FGF11: variants seen among roughly 807,000 people sequenced by gnomAD.
The protein encoded by FGF11 is fibroblast growth factor homologous factor 3.
In FGF11, 25 loss-of-function variants were observed where a neutral mutation model predicts 25.1. That is an observed-to-expected ratio of 1.00 (90% CI 0.73 to 1.39). FGF11 has a LOEUF of 1.39. Ranked by LOEUF, FGF11 falls within the 40% of genes most tolerant of loss-of-function variation. The pLI, the probability that FGF11 is intolerant of heterozygous loss-of-function variation, is 0.00. For synonymous variants in FGF11, 130 were observed against 128.9 expected, an observed-to-expected ratio of 1.01 and a Z score of -0.06; for missense variants, 320 against 311.0, an observed-to-expected ratio of 1.03 and a Z score of -0.22.
chr17:7,439,815 T>G lies in FGF11; in HGVS notation c.193+2T>G, dbSNP rs1410172097. 1.1e-5 allele frequency: 15 copies of G among 1,421,316 alleles called. No individual in the cohort carries two copies. The highest frequency in any genetic ancestry group is 1.4e-5 in the Non-Finnish European group (15 of 1,093,460). The allele number at this position is 1,421,316 out of a possible 1,614,324, so 88.0% of individuals were successfully genotyped here. A position where few individuals can be genotyped will look rare whatever the true frequency, so the allele number is the denominator to read the frequency against. Reference sequence around the variant, plus strand: ...CCGCGCGGCCGGACCGCGGCCCGGGTGAGTGCGGCTGGGGCGGGGTCTCCC... The same window carrying G: ...CCGCGCGGCCGGACCGCGGCCCGGGGGAGTGCGGCTGGGGCGGGGTCTCCC... On this transcript the variant is annotated splice_donor_variant, in intron 1 of 4. Transcript: ENST00000293829. LOFTEE classifies it high-confidence loss of function.
At chr17:7,439,853 C>T (rs1908233795) in intron 1 of FGF11, 40 bp downstream of exon 1, 2 of 1,385,608 alleles carry the variant, frequency 1.4e-6, no homozygotes, top group African/African-American at 1.5e-5. Flanking sequence ...CCAGAGGTTT[C>T]TCTGCCTGGG....
At chr17:7,439,350 A>C, upstream of FGF11, 1 of 345,854 alleles carries the variant, frequency 2.9e-6, no homozygotes, top group Non-Finnish European at 5.2e-6. Flanking sequence ...GACGTTTTCA[A>C]TAGGAGGCAA....
intron 4 of FGF11, 135 bp downstream of exon 4, chr17:7,442,927 C>A: frequency 8.2e-7 from 1 of 1,224,366 alleles, no homozygotes; most frequent in Non-Finnish European, 1.2e-6. Flanking sequence ...AGGCTTTGCC[C>A]TTTGGGGGTT....
At chr17:7,439,460 A>G, upstream of FGF11, 1 of 386,776 alleles carries the variant, frequency 2.6e-6, no homozygotes, top group Non-Finnish European at 4.2e-6. Context: ...GGAGGGGGGT[A>G]CGTGAGGGGG....
upstream of FGF11, chr17:7,439,465 A>AGG (rs35567432): frequency 8.9e-5 from 28 of 315,676 alleles, no homozygotes; most frequent in African/African-American, 2.1e-3. Flanking sequence ...GGGGTACGTG[A>AGG]GGGGGGGGGT....
In FGF11 at chr17:7,439,629, G is replaced by T. The variant is rs369618854; in HGVS notation, c.9G>T (p.Ala3=). Residue 3 remains alanine, a synonymous_variant, in exon 1 of 5, where the codon GCG becomes GCT. Transcript: ENST00000293829. MA[A]LASSLIRQKR... is the part of the protein sequence containing the mutation. ...TCTCCTCCCGGGGCGCTATGGCGGC[G>T]CTGGCCAGTAGCCTGATCCGGCAGA... 9.3e-5 allele frequency: 136 copies of T among 1,456,372 alleles called. No individual in the cohort carries two copies. The highest frequency in any genetic ancestry group is 1.1e-4 in the Non-Finnish European group (122 of 1,113,322). 90.2% of individuals were successfully genotyped at this position (1,456,372 alleles called of 1,614,324 possible).
In FGF11 at chr17:7,441,777, C is replaced by A; in HGVS notation, c.306C>A (p.Thr102=). The part of the protein sequence containing the change: ...QGTPEDTSSF[T]HFNLIPVGLR... ...GATGCTCCCTCTCTCCACCTGCAGC[C>A]CACTTCAACCTGATCCCTGTGGGCC... The change falls in exon 3 of 5, where the codon ACC becomes ACA. Residue 102 remains threonine, a splice_region_variant and synonymous_variant. Coordinates refer to ENST00000293829, the MANE Select transcript of FGF11 (RefSeq NM_004112.4). 1.2e-6 allele frequency: 2 copies of A among 1,600,322 alleles called. No homozygotes were observed. Among genetic ancestry groups the A allele is most frequent in the Non-Finnish European group, 1.7e-6 (2 of 1,172,926 alleles).
upstream of FGF11, chr17:7,438,448 A>C (rs1908158718): frequency 6.5e-6 from 1 of 153,798 alleles, no homozygotes; most frequent in Non-Finnish European, 1.5e-5. Context: ...CGTGGGGGGA[A>C]GCTCCGTTTG....
intron 1 of FGF11, chr17:7,441,214 A>T: frequency 2.5e-6 from 1 of 393,042 alleles, no homozygotes. Flanking sequence ...GCTGTAGGGT[A>T]GGAATTAAGC....
Position 7,439,817 on chromosome 17 carries a change from A to G in FGF11, c.193+4A>G. The G allele has an allele frequency of 7.0e-7, 1 of 1,420,902 alleles. No individual in the cohort carries two copies. The highest frequency in any genetic ancestry group is 9.1e-7 in the Non-Finnish European group (1 of 1,092,932). The allele number at this position is 1,420,902 out of a possible 1,614,324, so 88.0% of individuals were successfully genotyped here. ...GCGCGGCCGGACCGCGGCCCGGGTG[A>G]GTGCGGCTGGGGCGGGGTCTCCCGG... On this transcript the variant is annotated splice_donor_region_variant and intron_variant, in intron 1 of 4. Coordinates refer to ENST00000293829, the MANE Select transcript of FGF11 (RefSeq NM_004112.4).
In FGF11 at chr17:7,441,879, G is replaced by A. The variant is rs780748645; in HGVS notation, c.408G>A (p.Ser136=). The A allele has an allele frequency of 1.1e-5, 18 of 1,591,028 alleles. No individual in the cohort carries two copies. Among genetic ancestry groups the A allele is most frequent in the Non-Finnish European group, 1.4e-5 (16 of 1,170,226 alleles). Residue 136 remains serine, a splice_region_variant and synonymous_variant, in exon 3 of 5, where the codon TCG becomes TCA. Coordinates refer to ENST00000293829, the MANE Select transcript of FGF11 (RefSeq NM_004112.4). ...ATGCTGAGGGACTGCTCTACAGTTC[G>A]GTGAGACAATGAGGCTGAGTGGCCG... ...AMNAEGLLYS[S]PHFTAECRFK...
chr17:7,442,627 T>G lies in FGF11; in HGVS notation c.442T>G (p.Cys148Gly). 3.7e-6 allele frequency: 6 copies of G among 1,614,002 alleles called. No homozygotes were observed. Among genetic ancestry groups the G allele is most frequent in the Non-Finnish European group, 4.2e-6 (5 of 1,180,018 alleles). ...HFTAECRFKE[C>G]VFENYYVLYA... ...CACAGCTGAGTGTCGCTTTAAGGAG[T>G]GTGTCTTTGAGAATTACTACGTCCT... Residue 148 changes from cysteine (C) to glycine (G), a missense_variant, in exon 4 of 5, where the codon TGT becomes GGT. By Grantham distance (159) the Cys-to-Gly change is radical. Transcript: ENST00000293829.
intron 1 of FGF11, 158 bp downstream of exon 1, chr17:7,439,971 T>C: frequency 1.9e-6 from 1 of 536,996 alleles, no homozygotes; most frequent in East Asian, 3.5e-5. Flanking sequence ...TGCCTCAGTT[T>C]CCCTTCTCTT....
At chr17:7,439,959 T>C in intron 1 of FGF11, 146 bp downstream of exon 1, 3 of 577,338 alleles carry the variant, frequency 5.2e-6, no homozygotes, top group Non-Finnish European at 8.2e-6. Flanking sequence ...CCTGCCAGAC[T>C]GTGCCTCAGT....
rs1347797794 is a variant in FGF11 at position 7,444,709 on chromosome 17, A to G, written c.*1563A>G. 4.5e-6 allele frequency: 1 copy of G among 220,738 alleles called. No homozygotes were observed. Among genetic ancestry groups the G allele is most frequent in the African/African-American group, 2.3e-5 (1 of 43,126 alleles). The allele number at this position is 220,738 out of a possible 1,614,324, so 13.7% of individuals were successfully genotyped here. ...AGTGAACTAGGAGGGAGACTTCCAT[A>G]GCCTCAGACTTGGATAGGGTAGGCT... On this transcript the variant is annotated 3_prime_UTR_variant, in exon 5 of 5. Transcript: ENST00000293829.
chr17:7,439,149 G>A (rs767806727), upstream of FGF11: 2 of 153,190 alleles, frequency 1.3e-5, no homozygotes, highest in African/African-American at 2.4e-5. Flanking sequence ...CCCAGTAGGG[G>A]TGGGATGAGC....
intron 2 of FGF11, 80 bp downstream of exon 2, chr17:7,441,661 C>G: frequency 1.3e-6 from 2 of 1,592,700 alleles, no homozygotes; most frequent in South Asian, 2.2e-5. Flanking sequence ...TCTTCAGCTT[C>G]TGTTGCCATT....
rs1322722699 is a variant in FGF11 at position 7,441,564 on chromosome 17, A to G, written c.287A>G (p.Glu96Gly). 1 of 1,614,144 alleles carries G rather than the reference A, an allele frequency of 6.2e-7. No individual in the cohort carries two copies. ...NPDGSIQGTP[E>G]DTSSFTHFNL... ...GACGGAAGCATCCAGGGCACCCCAGAGGATACCAGCTCCTTCAGTGAGAGG... is the reference window on the plus strand; with the variant it reads ...GACGGAAGCATCCAGGGCACCCCAGGGGATACCAGCTCCTTCAGTGAGAGG... Residue 96 changes from glutamate to glycine, a missense_variant, in exon 2 of 5, where the codon GAG becomes GGG. Coordinates refer to ENST00000293829, the MANE Select transcript of FGF11 (RefSeq NM_004112.4).
In FGF11 at chr17:7,444,253, A is replaced by G. The variant is rs1908485563; in HGVS notation, c.*1107A>G. 1 of 152,616 alleles carries G rather than the reference A, an allele frequency of 6.6e-6. No individual in the cohort carries two copies. Among genetic ancestry groups the G allele is most frequent in the South Asian group, 2.1e-4 (1 of 4,836 alleles). 9.5% of individuals were successfully genotyped at this position (152,616 alleles called of 1,614,324 possible). A position where few individuals can be genotyped will look rare whatever the true frequency, so the allele number is the denominator to read the frequency against. On this transcript the variant is annotated 3_prime_UTR_variant, in exon 5 of 5. Transcript: ENST00000293829. ...GGAATTTTGGAAGGATCCCTGGCTC[A>G]TAGTAGGGAAGCTGGGATGGGGGAG...
Sources: allele counts gnomAD v4.1 joint callset, GRCh38; gene constraint gnomAD v4.1.1; transcripts MANE v1.5; gene names NCBI Gene and HGNC (gene_info 2026-07-23, HGNC 2026-07-21).